The following ANO6 variants were observed in gnomAD, a reference collection of about 807,000 sequenced individuals.
ANO6 encodes anoctamin 6.
In ANO6, 106 loss-of-function variants were observed where a neutral mutation model predicts 117.5. The ratio of observed to expected loss-of-function variants is 0.90; its 90% CI spans 0.77 to 1.06. The LOEUF is 1.06. Among genes scored for constraint, ANO6 ranks in the 50% least tolerant of loss-of-function variants. The pLI, the probability that ANO6 is intolerant of heterozygous loss-of-function variation, is 0.00. For synonymous variants in ANO6, 367 were observed against 385.1 expected, an observed-to-expected ratio of 0.95 and a Z score of 0.55; for missense variants, 955 against 1,121.1, an observed-to-expected ratio of 0.85 and a Z score of 2.12.
At chr12:45,279,068 C>T (rs1362644850) in intron 1 of ANO6, among the ~76,000 whole-genome samples, 2 of 152,152 alleles carry the variant, frequency 1.3e-5, no homozygotes, top group African/African-American at 4.8e-5. Context: ...ATCCTCTTGT[C>T]TGAAGAGCCT....
intron 9 of ANO6, among the ~76,000 whole-genome samples, chr12:45,377,766 C>T (rs747429884): frequency 6.6e-6 from 1 of 152,166 alleles, no homozygotes; most frequent in Non-Finnish European, 1.5e-5. Context: ...AGGCTTTAAA[C>T]ACAGTGGAAT....
chr12:45,293,588 G>A, intron 1 of ANO6, among the ~76,000 whole-genome samples: 1 of 151,844 alleles, frequency 6.6e-6, no homozygotes, highest in Non-Finnish European at 1.5e-5. Flanking sequence ...TTTTGAGACA[G>A]TCTCGCTCTG....
At chr12:45,266,951 T>G (rs1027474519) in intron 1 of ANO6, among the ~76,000 whole-genome samples, 1 of 152,028 alleles carries the variant, frequency 6.6e-6, no homozygotes, top group Non-Finnish European at 1.5e-5. Context: ...CATGATTTAG[T>G]CAGTAACTCC....
chr12:45,226,321 T>A (rs1191673699), intron 1 of ANO6, among the ~76,000 whole-genome samples: 6 of 152,330 alleles, frequency 3.9e-5, no homozygotes, highest in African/African-American at 1.2e-4. Context: ...GAAAATGTAT[T>A]CTTTTGTGAA....
At chr12:45,315,776 T>A (rs1194104857) in intron 2 of ANO6, among the ~76,000 whole-genome samples, 1 of 152,084 alleles carries the variant, frequency 6.6e-6, no homozygotes, top group Admixed American at 6.6e-5. Context: ...ATAAATGTAA[T>A]CATCATCCTC....
At chr12:45,286,950 G>A (rs1007072020) in intron 1 of ANO6, among the ~76,000 whole-genome samples, 2 of 152,156 alleles carry the variant, frequency 1.3e-5, no homozygotes, top group Non-Finnish European at 2.9e-5. Flanking sequence ...CCAGCAGCCA[G>A]TCTTATATTA....
chr12:45,436,823 G>C (rs745770683), downstream of ANO6, among the ~76,000 whole-genome samples: 17 of 152,076 alleles, frequency 1.1e-4, no homozygotes, highest in Non-Finnish European at 2.5e-4. Flanking sequence ...CAAAAAATTA[G>C]CCGTGTGTGG....
In ANO6 at chr12:45,348,074, A is replaced by T; in HGVS notation, c.392A>T (p.Glu131Val). 5.0e-6 allele frequency: 8 copies of T among 1,613,972 alleles called. No individual in the cohort carries two copies. The highest frequency in any genetic ancestry group is 6.8e-6 in the Non-Finnish European group (8 of 1,179,940). ...LVFVKVHAPW[E>V]VLCTYAEIMH... ...TTTGTAAAAGTACACGCACCATGGGAGGTGTTATGTACGTATGCTGAGATA... is the reference window on the plus strand; with the variant it reads ...TTTGTAAAAGTACACGCACCATGGGTGGTGTTATGTACGTATGCTGAGATA... Residue 131 changes from glutamate (E) to valine (V), a missense_variant, in exon 5 of 20, where the codon GAG becomes GTG. Coordinates refer to ENST00000320560, the MANE Select transcript of ANO6 (RefSeq NM_001025356.3).
chr12:45,415,412 A>G (rs1943189496), intron 16 of ANO6, among the ~76,000 whole-genome samples: 2 of 152,246 alleles, frequency 1.3e-5, no homozygotes, highest in Non-Finnish European at 2.9e-5. Context: ...TGGAGCCCTC[A>G]TTCCAACATG....
In ANO6 at chr12:45,430,275, G is replaced by C. The variant is rs1036902221; in HGVS notation, c.*964G>C. 16 of 985,460 alleles carry C rather than the reference G, an allele frequency of 1.6e-5. No homozygotes were observed. The highest frequency in any genetic ancestry group is 1.9e-5 in the Non-Finnish European group (16 of 829,948). 61.0% of individuals were successfully genotyped at this position (985,460 alleles called of 1,614,324 possible). A position where few individuals can be genotyped will look rare whatever the true frequency, so the allele number is the denominator to read the frequency against. Reference sequence around the variant, plus strand: ...TTATTCATTAGATACAGAAGGTGCAGTATTACACATCACCAGCTGCCTTTG... The same window carrying C: ...TTATTCATTAGATACAGAAGGTGCACTATTACACATCACCAGCTGCCTTTG... On this transcript the variant is annotated 3_prime_UTR_variant, in exon 20 of 20. Transcript: ENST00000320560.
At chr12:45,283,788 T>A (rs1458317652) in intron 1 of ANO6, among the ~76,000 whole-genome samples, 2 of 152,194 alleles carry the variant, frequency 1.3e-5, no homozygotes, top group African/African-American at 4.8e-5. Context: ...TTCTAATACC[T>A]TAATGTCACC....
At chr12:45,221,063 G>GT (rs1565628143) in intron 1 of ANO6, among the ~76,000 whole-genome samples, 2 of 151,976 alleles carry the variant, frequency 1.3e-5, no homozygotes, top group East Asian at 3.9e-4. Flanking sequence ...CGGAAGTGGG[G>GT]GGGGGCAGCC....
chr12:45,285,039 G>T (rs1401414871), intron 1 of ANO6, among the ~76,000 whole-genome samples: 1 of 152,170 alleles, frequency 6.6e-6, no homozygotes, highest in Non-Finnish European at 1.5e-5. Context: ...CAGATAATCT[G>T]TTTATTTTGT....
At chr12:45,265,865 G>A (rs1938199064) in intron 1 of ANO6, among the ~76,000 whole-genome samples, 1 of 152,220 alleles carries the variant, frequency 6.6e-6, no homozygotes, top group Admixed American at 6.5e-5. Flanking sequence ...TGAGCATGCT[G>A]TGTGTTCACC....
chr12:45,240,285 C>A lies in ANO6; in HGVS notation c.70+23894C>A, dbSNP rs185807550. On this transcript the variant is annotated intron_variant, in intron 1 of 19. Coordinates refer to ENST00000320560, the MANE Select transcript of ANO6 (RefSeq NM_001025356.3). Reference sequence around the variant, plus strand: ...CCCTTTACCATTATGTAATGGCTTTCTTTGTCTCTTTTGATCTTTGTTCGT... The same window carrying A: ...CCCTTTACCATTATGTAATGGCTTTATTTGTCTCTTTTGATCTTTGTTCGT... 4.4e-3 allele frequency among the ~76,000 whole-genome samples: 593 copies of A among 134,242 alleles called. 1 individual carries two copies. The highest frequency in any genetic ancestry group is 0.033 in the Middle Eastern group (8 of 240). The allele number at this position is 134,242 out of a possible 152,430, so 88.1% of individuals were successfully genotyped here. A position where few individuals can be genotyped will look rare whatever the true frequency, so the allele number is the denominator to read the frequency against.
chr12:45,396,531 A>G (rs896143879), intron 12 of ANO6, among the ~76,000 whole-genome samples: 1 of 152,234 alleles, frequency 6.6e-6, no homozygotes, highest in African/African-American at 2.4e-5. Flanking sequence ...TGCCAAGACA[A>G]TCCTAAGCAA....
intron 7 of ANO6, among the ~76,000 whole-genome samples, chr12:45,353,438 G>T (rs1941334151): frequency 6.6e-6 from 1 of 152,100 alleles, no homozygotes; most frequent in Non-Finnish European, 1.5e-5. Flanking sequence ...ACAGAGTGAT[G>T]GGTTCTTAAT....
At chr12:45,236,325 G>A (rs992660176) in intron 1 of ANO6, among the ~76,000 whole-genome samples, 1 of 152,054 alleles carries the variant, frequency 6.6e-6, no homozygotes, top group Non-Finnish European at 1.5e-5. Flanking sequence ...TTGGTTTGCT[G>A]CACCTATCAA....
chr12:45,331,974 G>GAC (rs1462850032), intron 3 of ANO6, among the ~76,000 whole-genome samples: 2 of 152,022 alleles, frequency 1.3e-5, no homozygotes, highest in Non-Finnish European at 2.9e-5. Context: ...TGAATATGGA[G>GAC]ACTGCTCTTG....
Sources: gnomAD v4.1 joint callset for allele counts (sites outside exome capture counted in the v4.1 genomes callset) on GRCh38, gnomAD v4.1.1 for gene constraint, MANE v1.5 for transcripts, NCBI Gene and HGNC (gene_info 2026-07-23, HGNC 2026-07-21) for gene names.